Variants in LINGO2 observed in about 807,000 individuals in gnomAD.
The protein encoded by LINGO2 is leucine-rich repeat and immunoglobulin-like domain-containing nogo receptor-interacting protein 2.
Under a neutral mutation model 30.6 loss-of-function variants are expected in LINGO2, and 14 were observed. The ratio of observed to expected loss-of-function variants is 0.46; its 90% CI spans 0.30 to 0.72. The LOEUF (loss-of-function observed/expected upper bound fraction) is 0.72. Among genes scored for constraint, LINGO2 ranks in the 30% least tolerant of loss-of-function variants. LINGO2 has a pLI of 0.07. For synonymous variants in LINGO2, 317 were observed against 288.5 expected (o/e 1.10, Z -1.00); for missense variants, 729 against 751.7 (o/e 0.97, Z 0.35).
the LINGO2 span, chr9:27,942,178 C>G: frequency 6.6e-6 from 1 of 152,112 alleles, no homozygotes. Context: ...AACTGGATAG[C>G]CTGTCTTTTG....
chr9:28,496,768 A>C (rs1587756031), intron 1 of LINGO2, among the ~76,000 whole-genome samples: 1 of 152,130 alleles, frequency 6.6e-6, no homozygotes, highest in East Asian at 1.9e-4. Flanking sequence ...GGTCTTTACA[A>C]TTTGGCATGT....
At chr9:28,324,300 T>A (rs1050849971) in intron 3 of LINGO2, among the ~76,000 whole-genome samples, 2 of 152,318 alleles carry the variant, frequency 1.3e-5, no homozygotes, top group Admixed American at 6.5e-5. Flanking sequence ...CAAACCTGCA[T>A]CTACCTCTGG....
chr9:28,155,372 T>C (rs1828105245), intron 4 of LINGO2, among the ~76,000 whole-genome samples: 2 of 152,172 alleles, frequency 1.3e-5, no homozygotes, highest in African/African-American at 4.8e-5. Flanking sequence ...CTCTTTAAGG[T>C]CTGTTGGCTT....
chr9:28,642,959 T>A (rs1827667108), intron 1 of LINGO2, among the ~76,000 whole-genome samples: 3 of 152,082 alleles, frequency 2.0e-5, no homozygotes, highest in Non-Finnish European at 4.4e-5. Context: ...ATCACTGGTC[T>A]TAAATACCTA....
chr9:28,995,107 G>C, the LINGO2 span, among the ~76,000 whole-genome samples: 1 of 151,634 alleles, frequency 6.6e-6, no homozygotes, highest in African/African-American at 2.4e-5. Flanking sequence ...AGAAAATTTT[G>C]GCAACCTACT....
intron 2 of LINGO2, among the ~76,000 whole-genome samples, chr9:28,404,111 C>T (rs1198688136): frequency 1.3e-5 from 2 of 152,142 alleles, no homozygotes; most frequent in Non-Finnish European, 2.9e-5. Flanking sequence ...CTTTTCTTTG[C>T]TAATACACAT....
chr9:27,984,178 G>C (rs997615693), intron 5 of LINGO2, among the ~76,000 whole-genome samples: 4 of 151,862 alleles, frequency 2.6e-5, no homozygotes, highest in African/African-American at 9.7e-5. Flanking sequence ...TAGTTTTGAA[G>C]TTATTCTTGG....
chr9:28,852,706 C>T, the LINGO2 span, among the ~76,000 whole-genome samples: 1 of 152,116 alleles, frequency 6.6e-6, no homozygotes, highest in South Asian at 2.1e-4. Context: ...CCTCCAGATA[C>T]ATTAGAAAGG....
the LINGO2 span, among the ~76,000 whole-genome samples, chr9:28,959,290 TATC>T: frequency 6.6e-6 from 1 of 152,084 alleles, no homozygotes; most frequent in Non-Finnish European, 1.5e-5. Context: ...TCTGGAAAAT[TATC>T]ATAGTCTATT....
At chr9:29,173,176 A>G in the LINGO2 span, among the ~76,000 whole-genome samples, 1 of 152,020 alleles carries the variant, frequency 6.6e-6, no homozygotes, top group African/African-American at 2.4e-5. Context: ...TAGTGGGTGG[A>G]GAAAATTGAA....
chr9:28,582,575 A>C (rs1824311693), intron 1 of LINGO2, among the ~76,000 whole-genome samples: 5 of 152,102 alleles, frequency 3.3e-5, no homozygotes, highest in Admixed American at 3.3e-4. Context: ...TCTGAGATCC[A>C]GCCATCAATA....
intron 3 of LINGO2, among the ~76,000 whole-genome samples, chr9:28,369,576 A>G (rs1307287881): frequency 6.6e-6 from 1 of 152,198 alleles, no homozygotes; most frequent in Non-Finnish European, 1.5e-5. Flanking sequence ...CTTCCATAGG[A>G]AAACCTAGAA....
chr9:28,098,553 C>G (rs1826317092), intron 4 of LINGO2, among the ~76,000 whole-genome samples: 1 of 152,072 alleles, frequency 6.6e-6, no homozygotes, highest in South Asian at 2.1e-4. Context: ...GTAGTTACAT[C>G]CTTCAGGCAT....
chr9:28,081,829 GTT>G (rs5897269), intron 4 of LINGO2, among the ~76,000 whole-genome samples: 18 of 151,902 alleles, frequency 1.2e-4, no homozygotes, highest in East Asian at 5.8e-4. Flanking sequence ...GTTAGCAATT[GTT>G]TTTTTTTCTA....
intron 4 of LINGO2, among the ~76,000 whole-genome samples, chr9:28,139,233 C>A (rs575934563): frequency 1.3e-5 from 2 of 149,344 alleles, no homozygotes; most frequent in Non-Finnish European, 3.0e-5. Flanking sequence ...GAGACATAAC[C>A]CTGGCCATTG....
At chr9:28,639,766 G>C (rs932573346) in intron 1 of LINGO2, among the ~76,000 whole-genome samples, 27 of 152,170 alleles carry the variant, frequency 1.8e-4, no homozygotes, top group East Asian at 3.9e-4. Context: ...GGTCTTGACT[G>C]TTTATCCAAT....
At chr9:28,666,861 T>G (rs891076559) in intron 1 of LINGO2, among the ~76,000 whole-genome samples, 1 of 152,220 alleles carries the variant, frequency 6.6e-6, no homozygotes, top group Non-Finnish European at 1.5e-5. Context: ...GCACAGTACA[T>G]AGTTGGCTTC....
chr9:29,033,143 T>C, the LINGO2 span, among the ~76,000 whole-genome samples: 6 of 152,116 alleles, frequency 3.9e-5, no homozygotes, highest in African/African-American at 7.2e-5. Context: ...AATTATTTTC[T>C]GAATTTTATT....
At chr9:29,212,770 C>G in the LINGO2 span, among the ~76,000 whole-genome samples, 5 of 152,184 alleles carry the variant, frequency 3.3e-5, no homozygotes, top group African/African-American at 1.2e-4. Context: ...AGCGCCGCAC[C>G]GGCTACTCCC....
Sources: allele counts gnomAD v4.1 joint callset (sites outside exome capture counted in the v4.1 genomes callset), GRCh38; gene constraint gnomAD v4.1.1; transcripts MANE v1.5; gene names NCBI Gene and HGNC (gene_info 2026-07-23, HGNC 2026-07-21).